Variants in RNLS observed in about 807,000 individuals in gnomAD.
RNLS encodes the protein renalase.
In RNLS, 39 loss-of-function variants were observed where a neutral mutation model predicts 39.8. That is an observed-to-expected ratio of 0.98 (90% CI 0.76 to 1.28). The LOEUF (loss-of-function observed/expected upper bound fraction) is 1.28, where lower values mean the gene tolerates loss of function less well. Ranked by LOEUF, RNLS falls within the 50% of genes most tolerant of loss-of-function variation. RNLS has a pLI of 0.00. For missense variants in RNLS, 410 were observed against 413.3 expected (o/e 0.99, Z 0.07); for synonymous variants, 147 against 150.7 (o/e 0.98, Z 0.18).
chr10:88,234,142 A>G, the RNLS span, among the ~76,000 whole-genome samples: 1 of 150,628 alleles, frequency 6.6e-6, no homozygotes, highest in African/African-American at 2.4e-5. Context: ...CCAAGTGACA[A>G]TGGGAGATTG....
intron 4 of RNLS, among the ~76,000 whole-genome samples, chr10:88,468,040 A>G (rs972374818): frequency 6.6e-6 from 1 of 152,278 alleles, no homozygotes; most frequent in East Asian, 1.9e-4. Context: ...ACATTCCTTG[A>G]AATAAAAATA....
chr10:88,446,896 A>C (rs11202746), intron 4 of RNLS, among the ~76,000 whole-genome samples: 26,194 of 152,224 alleles, frequency 0.17, 2,486 homozygotes, highest in Middle Eastern at 0.29. Context: ...ATATACACAG[A>C]ACCAAACACA....
At chr10:88,444,719 C>A (rs1651490196) in intron 4 of RNLS, among the ~76,000 whole-genome samples, 1 of 152,068 alleles carries the variant, frequency 6.6e-6, no homozygotes, top group Non-Finnish European at 1.5e-5. Flanking sequence ...GAAAGGGTGT[C>A]AGTGATTGAA....
chr10:88,443,910 AC>A (rs569516783), intron 4 of RNLS, among the ~76,000 whole-genome samples: 23 of 152,372 alleles, frequency 1.5e-4, no homozygotes, highest in African/African-American at 5.5e-4. Context: ...GCATAGCCGA[AC>A]AAAAGGCAGC....
chr10:88,520,427 G>A (rs1408567379), intron 4 of RNLS, among the ~76,000 whole-genome samples: 1 of 152,002 alleles, frequency 6.6e-6, no homozygotes, highest in East Asian at 1.9e-4. Flanking sequence ...TGGCAGGTCA[G>A]TTTCACCAAT....
At chr10:88,181,948 A>G in the RNLS span, among the ~76,000 whole-genome samples, 1 of 152,156 alleles carries the variant, frequency 6.6e-6, no homozygotes, top group Non-Finnish European at 1.5e-5. Flanking sequence ...GCTGCTCCCT[A>G]AAGTTTGAAA....
At chr10:88,319,018 C>G (rs1845976431) in intron 5 of RNLS, among the ~76,000 whole-genome samples, 1 of 152,198 alleles carries the variant, frequency 6.6e-6, no homozygotes, top group South Asian at 2.1e-4. Flanking sequence ...AATAAAACAC[C>G]TGCTGCCAGA....
intron 4 of RNLS, among the ~76,000 whole-genome samples, chr10:88,417,271 T>G (rs1854088705): frequency 6.6e-6 from 1 of 152,098 alleles, no homozygotes; most frequent in Admixed American, 6.5e-5. Flanking sequence ...AAACTTGGAT[T>G]TGTACTTGTG....
At chr10:88,581,768 A>C in intron 2 of RNLS, 59 bp from the exon 3 acceptor site, 19 of 1,135,006 alleles carry the variant, frequency 1.7e-5, no homozygotes, top group Non-Finnish European at 2.3e-5. Context: ...GCTCTAAAAG[A>C]CTATATTTTC....
chr10:88,573,093 T>A (rs775349755), intron 3 of RNLS, 32 bp from the exon 4 acceptor site: 2 of 1,607,354 alleles, frequency 1.2e-6, no homozygotes, highest in Non-Finnish European at 8.5e-7. Flanking sequence ...GTCCCCATTA[T>A]CAGAATTGCA....
chr10:88,387,865 A>G (rs1020325115), intron 4 of RNLS, among the ~76,000 whole-genome samples: 5 of 152,232 alleles, frequency 3.3e-5, no homozygotes, highest in Non-Finnish European at 7.3e-5. Context: ...TTAGCGGGCA[A>G]TGCAGACAGG....
chr10:88,212,893 T>C, the RNLS span, among the ~76,000 whole-genome samples: 2 of 152,236 alleles, frequency 1.3e-5, no homozygotes, highest in African/African-American at 4.8e-5. Context: ...CTCTGTTTTT[T>C]AAACAGTTCC....
intron 4 of RNLS, among the ~76,000 whole-genome samples, chr10:88,471,448 T>C (rs1843518078): frequency 6.6e-6 from 1 of 152,082 alleles, no homozygotes; most frequent in Non-Finnish European, 1.5e-5. Flanking sequence ...TCACCAGCAA[T>C]GGGTGCTGCT....
intron 6 of RNLS, among the ~76,000 whole-genome samples, chr10:88,276,483 G>A (rs1178404008): frequency 6.6e-6 from 1 of 151,870 alleles, no homozygotes; most frequent in Non-Finnish European, 1.5e-5. Flanking sequence ...AATCACATTT[G>A]ATTTTTTTCT....
rs972697121 is a variant in RNLS at position 88,286,530 on chromosome 10, A to C, written c.877-1024T>G. Among the ~76,000 whole-genome samples the C allele has an allele frequency of 3.9e-5, 6 of 152,040 alleles. No individual in the cohort carries two copies. In the South Asian group the frequency reaches 1.2e-3, roughly 31 times the overall value. ...CACCAAAAACCCTCTAAAAAACCAG[A>C]ATATGAAAACTTGTTGTAATGGCCA... On this transcript the variant is annotated intron_variant, in intron 6 of 6. Coordinates refer to ENST00000331772, the MANE Select transcript of RNLS (RefSeq NM_001031709.3).
At chr10:88,475,930 T>A (rs2133996769) in intron 4 of RNLS, among the ~76,000 whole-genome samples, 1 of 152,232 alleles carries the variant, frequency 6.6e-6, no homozygotes, top group Non-Finnish European at 1.5e-5. Context: ...ACTGAAAAGT[T>A]AAAAATAGCA....
chr10:88,495,772 C>T (rs904571132), intron 4 of RNLS, among the ~76,000 whole-genome samples: 2 of 151,922 alleles, frequency 1.3e-5, no homozygotes, highest in African/African-American at 4.8e-5. Flanking sequence ...TAGGGCAAAG[C>T]CCAAGTGACA....
intron 4 of RNLS, among the ~76,000 whole-genome samples, chr10:88,497,688 A>G (rs992416092): frequency 1.3e-5 from 2 of 152,052 alleles, no homozygotes; most frequent in Non-Finnish European, 2.9e-5. Context: ...AGGAACAAGC[A>G]GGAGAAAAAC....
chr10:88,355,707 C>T (rs1033378529), intron 5 of RNLS, among the ~76,000 whole-genome samples: 94 of 152,204 alleles, frequency 6.2e-4, no homozygotes, highest in Middle Eastern at 3.4e-3. Flanking sequence ...TCTCAAACTC[C>T]ATTCTGGGAG....
Sources: gnomAD v4.1 joint callset for allele counts (sites outside exome capture counted in the v4.1 genomes callset) on GRCh38, gnomAD v4.1.1 for gene constraint, MANE v1.5 for transcripts, NCBI Gene and HGNC (gene_info 2026-07-23, HGNC 2026-07-21) for gene names.